KIF26B: variants seen among roughly 807,000 people sequenced by gnomAD.
KIF26B encodes the protein kinesin-like protein KIF26B.
A neutral mutation model predicts 151.2 loss-of-function variants in KIF26B; 63 were observed. The ratio of observed to expected loss-of-function variants is 0.42; its 90% CI spans 0.34 to 0.51. KIF26B has a LOEUF of 0.51. Ranked by LOEUF, KIF26B falls within the 20% of genes least tolerant of loss-of-function variation. The pLI, the probability that KIF26B is intolerant of heterozygous loss-of-function variation, is 0.07. For synonymous variants in KIF26B, 1,357 were observed against 1,262.1 expected (o/e 1.08, Z -1.59); for missense variants, 2,813 against 2,913.6 (o/e 0.97, Z 0.79).
intron 2 of KIF26B, among the ~76,000 whole-genome samples, chr1:245,221,308 C>T (rs1253964560): frequency 6.8e-6 from 1 of 148,042 alleles, no homozygotes; most frequent in African/African-American, 2.5e-5. Flanking sequence ...ATGCTGAAAA[C>T]ACTCAGCAAT....
intron 4 of KIF26B, among the ~76,000 whole-genome samples, chr1:245,449,036 GC>G (rs1659316116): frequency 6.6e-6 from 1 of 152,170 alleles, no homozygotes; most frequent in Non-Finnish European, 1.5e-5. Flanking sequence ...GTTTACTTTA[GC>G]ACGTCAGTAC....
chr1:245,435,177 A>T (rs1433675644), intron 4 of KIF26B, among the ~76,000 whole-genome samples: 3 of 151,754 alleles, frequency 2.0e-5, no homozygotes, highest in Non-Finnish European at 4.4e-5. Context: ...CCATCCACCC[A>T]CCCAACCATC....
intron 3 of KIF26B, among the ~76,000 whole-genome samples, chr1:245,379,475 A>AT (rs111967663): frequency 2.2e-3 from 311 of 140,776 alleles, no homozygotes; most frequent in Admixed American, 5.2e-3. Context: ...CTAGTTTATG[A>AT]TTTTTTTTTT....
intron 5 of KIF26B, among the ~76,000 whole-genome samples, chr1:245,571,208 G>C (rs888688100): frequency 2.0e-5 from 3 of 152,206 alleles, no homozygotes; most frequent in African/African-American, 7.2e-5. Flanking sequence ...CTTGCCTTTG[G>C]TCCTATGGGA....
At chr1:245,389,773 T>G (rs1475992599) in intron 3 of KIF26B, among the ~76,000 whole-genome samples, 1 of 152,234 alleles carries the variant, frequency 6.6e-6, no homozygotes, top group African/African-American at 2.4e-5. Flanking sequence ...ATCTAAGTCA[T>G]TTGATAAGAC....
intron 2 of KIF26B, among the ~76,000 whole-genome samples, chr1:245,311,844 G>A (rs75172188): frequency 0.066 from 10,034 of 152,088 alleles, 390 homozygotes; most frequent in East Asian, 0.1. Context: ...GCAGGAGAAC[G>A]GCTTGAACCC....
At chr1:245,505,180 C>T (rs913863387) in intron 4 of KIF26B, among the ~76,000 whole-genome samples, 5 of 151,544 alleles carry the variant, frequency 3.3e-5, no homozygotes, top group African/African-American at 4.9e-5. Context: ...TCAAGTGATC[C>T]GCCTGCCTTG....
chr1:245,267,394 G>A lies in KIF26B; in HGVS notation c.466-99440G>A, dbSNP rs553297060. Among the ~76,000 whole-genome samples, 6 of 152,262 alleles carry A rather than the reference G, an allele frequency of 3.9e-5. No individual in the cohort carries two copies. In the East Asian group the frequency reaches 5.8e-4, roughly 15 times the overall value. On this transcript the variant is annotated intron_variant, in intron 2 of 14. Transcript: ENST00000407071. The stretch of plus-strand genomic sequence containing the variant: ...CAAGCCCAGCATTGCGAAGTACACC[G>A]TAGAGCAGAGGACTAATCTGTGGAT...
intron 4 of KIF26B, among the ~76,000 whole-genome samples, chr1:245,536,862 C>T (rs1383822812): frequency 2.0e-5 from 3 of 152,308 alleles, no homozygotes; most frequent in East Asian, 1.9e-4. Flanking sequence ...ATGGAAGCTG[C>T]GTTCCCACGG....
intron 9 of KIF26B, among the ~76,000 whole-genome samples, chr1:245,633,464 G>T (rs1162555250): frequency 6.6e-6 from 1 of 151,890 alleles, no homozygotes; most frequent in African/African-American, 2.4e-5. Context: ...TTACCTTGAT[G>T]ATTTGGTAGT....
chr1:245,611,116 T>C (rs1252951948), intron 8 of KIF26B, among the ~76,000 whole-genome samples: 2 of 152,202 alleles, frequency 1.3e-5, no homozygotes, highest in African/African-American at 2.4e-5. Context: ...AATCAATTAA[T>C]GAGTATGCCG....
chr1:245,346,757 T>C (rs1280404352), intron 2 of KIF26B, among the ~76,000 whole-genome samples: 1 of 152,306 alleles, frequency 6.6e-6, no homozygotes, highest in South Asian at 2.1e-4. Flanking sequence ...CATCATCTCA[T>C]TTCAAGCATC....
At chr1:245,481,281 G>C (rs1340565579) in intron 4 of KIF26B, among the ~76,000 whole-genome samples, 1 of 151,902 alleles carries the variant, frequency 6.6e-6, no homozygotes, top group Non-Finnish European at 1.5e-5. Flanking sequence ...TGGGCTCAGA[G>C]AATGCCCGTA....
At chr1:245,664,135 G>A (rs769336376) in intron 10 of KIF26B, among the ~76,000 whole-genome samples, 1 of 152,074 alleles carries the variant, frequency 6.6e-6, no homozygotes, top group African/African-American at 2.4e-5. Context: ...TTAGGAGGCC[G>A]AGGCAGGCAG....
intron 9 of KIF26B, among the ~76,000 whole-genome samples, chr1:245,620,914 C>G (rs2043651834): frequency 6.6e-6 from 1 of 152,190 alleles, no homozygotes; most frequent in South Asian, 2.1e-4. Flanking sequence ...AGTGCACAAA[C>G]TAGACCACAG....
At chr1:245,451,536 G>A (rs184753510) in intron 4 of KIF26B, among the ~76,000 whole-genome samples, 45 of 147,460 alleles carry the variant, frequency 3.1e-4, no homozygotes, top group Admixed American at 1.1e-3. Context: ...ACTTGAGAAG[G>A]TGTATTCTCC....
At chr1:245,474,433 T>C (rs1258389407) in intron 4 of KIF26B, among the ~76,000 whole-genome samples, 1 of 142,998 alleles carries the variant, frequency 7.0e-6, no homozygotes, top group African/African-American at 2.6e-5. Flanking sequence ...TTTTTTTTTT[T>C]TGGAGTCTCA....
chr1:245,443,464 G>A (rs1470390608), intron 4 of KIF26B, among the ~76,000 whole-genome samples: 3 of 96,806 alleles, frequency 3.1e-5, no homozygotes, highest in East Asian at 9.5e-4. Context: ...CACCTAGAGC[G>A]GTCATCTCCC....
At chr1:245,310,189 A>T (rs1158770147) in intron 2 of KIF26B, among the ~76,000 whole-genome samples, 1 of 151,322 alleles carries the variant, frequency 6.6e-6, no homozygotes, top group African/African-American at 2.4e-5. Context: ...ATATATATAT[A>T]TCCTATTAGT....
Sources: gnomAD v4.1 joint callset for allele counts (sites outside exome capture counted in the v4.1 genomes callset) on GRCh38, gnomAD v4.1.1 for gene constraint, MANE v1.5 for transcripts, NCBI Gene and HGNC (gene_info 2026-07-23, HGNC 2026-07-21) for gene names.